MAP1B: variants seen among roughly 807,000 people sequenced by gnomAD.
MAP1B encodes the protein microtubule-associated protein 1B.
Under a neutral mutation model 176.1 loss-of-function variants are expected in MAP1B, and 12 were observed. That is an observed-to-expected ratio of 0.07 (90% CI 0.04 to 0.11). The LOEUF is 0.11. Ranked by LOEUF, MAP1B falls within the 10% of genes least tolerant of loss-of-function variation. The pLI is 1.00. For missense variants in MAP1B, 2,523 were observed against 2,990.5 expected (o/e 0.84, Z 3.65); for synonymous variants, 1,044 against 1,135.0 (o/e 0.92, Z 1.61).
At chr5:72,140,470 T>G (rs1745926376) in intron 2 of MAP1B, among the ~76,000 whole-genome samples, 1 of 152,220 alleles carries the variant, frequency 6.6e-6, no homozygotes, top group Non-Finnish European at 1.5e-5. Flanking sequence ...CAGCCTTCAT[T>G]TGAAGAACAC....
intron 1 of MAP1B, among the ~76,000 whole-genome samples, chr5:72,115,280 C>G (rs955253581): frequency 2.6e-5 from 4 of 152,166 alleles, no homozygotes; most frequent in African/African-American, 7.2e-5. Context: ...TGCCTTTATT[C>G]TACATTTTCT....
At chr5:72,114,640 G>A (rs1745401543) in intron 1 of MAP1B, among the ~76,000 whole-genome samples, 1 of 152,204 alleles carries the variant, frequency 6.6e-6, no homozygotes, top group African/African-American at 2.4e-5. Flanking sequence ...ACACACCAGA[G>A]TTCTGGGGTT....
intron 2 of MAP1B, among the ~76,000 whole-genome samples, chr5:72,127,024 G>T (rs1328999048): frequency 6.6e-6 from 1 of 152,220 alleles, no homozygotes; most frequent in Non-Finnish European, 1.5e-5. Flanking sequence ...TTCCATGTTG[G>T]TATCTGGTGT....
At chr5:72,141,827 G>A (rs1467330648) in intron 2 of MAP1B, among the ~76,000 whole-genome samples, 2 of 152,298 alleles carry the variant, frequency 1.3e-5, no homozygotes, top group East Asian at 3.9e-4. Flanking sequence ...AAAAAAGATA[G>A]AGAAAATACT....
rs895790285 is a variant in MAP1B, at chr5:72,207,628, G to T, written c.*2389G>T. On this transcript the variant is annotated 3_prime_UTR_variant, in exon 7 of 7. Coordinates refer to ENST00000296755, the MANE Select transcript of MAP1B (RefSeq NM_005909.5). ...CACATGATGGAAAAGTCATTGTGAC[G>T]CCAATGAATTTCATTGAGTATAAAC... 1 of 152,078 alleles carries T rather than the reference G, an allele frequency of 6.6e-6. No individual in the cohort carries two copies. Among genetic ancestry groups the T allele is most frequent in the African/African-American group, 2.4e-5 (1 of 41,392 alleles). The allele number at this position is 152,078 out of a possible 1,614,324, so 9.4% of individuals were successfully genotyped here. A position where few individuals can be genotyped will look rare whatever the true frequency, so the allele number is the denominator to read the frequency against.
chr5:72,190,226 G>C (rs1746997898), intron 4 of MAP1B, among the ~76,000 whole-genome samples: 1 of 152,148 alleles, frequency 6.6e-6, no homozygotes, highest in African/African-American at 2.4e-5. Context: ...GAAGTCAATG[G>C]GGAAGAGATG....
Position 72,206,926 on chromosome 5 carries a change from T to C in MAP1B, c.*1687T>C, listed in dbSNP as rs1747464630. ...GGGCCTTGACAAGTACATCACCCAG[T>C]GGTATCCTACATACTTCTTTCAAGA... On this transcript the variant is annotated 3_prime_UTR_variant, in exon 7 of 7. Transcript: ENST00000296755. The C allele has an allele frequency of 6.6e-6, 1 of 152,040 alleles. No individual in the cohort carries two copies. The highest frequency in any genetic ancestry group is 1.5e-5 in the Non-Finnish European group (1 of 68,000). 9.4% of individuals were successfully genotyped at this position (152,040 alleles called of 1,614,324 possible).
chr5:72,143,408 A>G (rs971504723), intron 2 of MAP1B, among the ~76,000 whole-genome samples: 7 of 152,234 alleles, frequency 4.6e-5, no homozygotes, highest in Admixed American at 6.5e-5. Flanking sequence ...GGTCATCATT[A>G]TGAACGTCAT....
intron 2 of MAP1B, among the ~76,000 whole-genome samples, chr5:72,163,613 A>G (rs1348749628): frequency 1.3e-5 from 2 of 152,190 alleles, no homozygotes; most frequent in Non-Finnish European, 2.9e-5. Context: ...GGTGTGGGAT[A>G]AAGTATGGAT....
At chr5:72,124,067 T>C (rs1745580602) in intron 2 of MAP1B, among the ~76,000 whole-genome samples, 1 of 152,180 alleles carries the variant, frequency 6.6e-6, no homozygotes, top group African/African-American at 2.4e-5. Context: ...TGTTCAACCA[T>C]GGGTTTAGTC....
intron 3 of MAP1B, among the ~76,000 whole-genome samples, chr5:72,185,686 T>C (rs1226403620): frequency 6.6e-6 from 1 of 151,682 alleles, no homozygotes; most frequent in Non-Finnish European, 1.5e-5. Flanking sequence ...AGGAAAAATA[T>C]GGAATTTTAT....
chr5:72,136,868 G>A (rs1745846543), intron 2 of MAP1B, among the ~76,000 whole-genome samples: 1 of 152,068 alleles, frequency 6.6e-6, no homozygotes, highest in Non-Finnish European at 1.5e-5. Flanking sequence ...ATTATTTTTT[G>A]CCAAGCCCAT....
chr5:72,121,579 A>G (rs764319796), intron 2 of MAP1B, among the ~76,000 whole-genome samples: 1 of 152,242 alleles, frequency 6.6e-6, no homozygotes, highest in African/African-American at 2.4e-5. Flanking sequence ...GGAGAATTAG[A>G]ATCAGCCCTT....
In MAP1B at chr5:72,195,086, A is replaced by G. The variant is rs1747120939; in HGVS notation, c.1731A>G (p.Pro577=). The G allele has an allele frequency of 1.2e-6, 2 of 1,614,102 alleles. No individual in the cohort carries two copies. The highest frequency in any genetic ancestry group is 2.2e-5 in the East Asian group (1 of 44,852). ...EVTKVNHVEK[P]PKVESKEKVM... is the part of the protein sequence containing the mutation. ...CAAAAGTGAATCACGTGGAAAAGCC[A>G]CCCAAAGTTGAAAGCAAAGAAAAGG... Residue 577 remains proline, a synonymous_variant, in exon 5 of 7, where the codon CCA becomes CCG. Coordinates refer to ENST00000296755, the MANE Select transcript of MAP1B (RefSeq NM_005909.5).
rs751536597 is a variant in MAP1B at position 72,200,176 on chromosome 5, C to T, written c.6821C>T (p.Pro2274Leu). 2 of 1,614,222 alleles carry T rather than the reference C, an allele frequency of 1.2e-6. No homozygotes were observed. The highest frequency in any genetic ancestry group is 8.5e-7 in the Non-Finnish European group (1 of 1,180,038). ...KSKPLAASPK[P>L]AGLKESSDKV... ...AAGCCCTTGGCAGCTTCACCAAAAC[C>T]AGCGGGCTTGAAAGAATCCTCGGAT... The change falls in exon 5 of 7, where the codon CCA becomes CTA. Residue 2274 changes from proline to leucine, a missense_variant. This residue lies in a region of MAP1B where 287 missense variants were observed against 401.5 expected (regional missense o/e 0.71). Coordinates refer to ENST00000296755, the MANE Select transcript of MAP1B (RefSeq NM_005909.5).
In MAP1B at chr5:72,196,324, G is replaced by A. The variant is rs149394287; in HGVS notation, c.2969G>A (p.Arg990Lys). ...AEADAYIREK[R>K]ESVASGDDRA... ...GCTGATGCATACATCAGGGAGAAGA[G>A]GGAGTCTGTGGCCAGTGGGGATGAC... The change falls in exon 5 of 7, where the codon AGG becomes AAG. Residue 990 changes from arginine (R) to lysine (K), a missense_variant. By Grantham distance (26) the Arg-to-Lys change is conservative (BLOSUM62 2). This residue lies in a region of MAP1B where 1,925 missense variants were observed against 2,126.0 expected (regional missense o/e 0.91). Transcript: ENST00000296755. This position sits in a 1 kb window ranked among gnomAD's most constrained non-coding sequence, Gnocchi z 5.3. 3 of 1,614,118 alleles carry A rather than the reference G, an allele frequency of 1.9e-6. No homozygotes were observed. Among genetic ancestry groups the A allele is most frequent in the South Asian group, 1.1e-5 (1 of 91,064 alleles).
At position 72,199,599 on chromosome 5, in the gene MAP1B, T is replaced by C; in HGVS notation, c.6244T>C (p.Leu2082=). 1 of 1,614,150 alleles carries C rather than the reference T, an allele frequency of 6.2e-7. No individual in the cohort carries two copies. Among genetic ancestry groups the C allele is most frequent in the South Asian group, 1.1e-5 (1 of 91,066 alleles). ...SPSEARQDVD[L]CLVSSCEYKH... ...CTCAGAAGCCCGTCAGGATGTCGAT[T>C]TATGCCTCGTGTCCTCTTGTGAATA... Residue 2082 remains leucine, a synonymous_variant, in exon 5 of 7, where the codon TTA becomes CTA. Coordinates refer to ENST00000296755, the MANE Select transcript of MAP1B (RefSeq NM_005909.5). The surrounding 1 kb of genome is among the most constrained non-coding windows in gnomAD (Gnocchi z 4.2).
intron 2 of MAP1B, among the ~76,000 whole-genome samples, chr5:72,132,044 A>T (rs1158603625): frequency 6.6e-6 from 1 of 152,184 alleles, no homozygotes; most frequent in Non-Finnish European, 1.5e-5. Context: ...CTTGGAGGAT[A>T]TTACTGAAGC....
chr5:72,161,773 A>G (rs532746909), intron 2 of MAP1B, among the ~76,000 whole-genome samples: 82 of 152,192 alleles, frequency 5.4e-4, no homozygotes, highest in African/African-American at 1.9e-3. Flanking sequence ...CCTGGCCAAC[A>G]TGATGAAACC....
Sources: allele counts gnomAD v4.1 joint callset (sites outside exome capture counted in the v4.1 genomes callset), GRCh38; gene constraint gnomAD v4.1.1; regional missense constraint gnomAD v4.1.1; non-coding constraint Gnocchi (gnomAD v3.1); transcripts MANE v1.5; gene names NCBI Gene and HGNC (gene_info 2026-07-23, HGNC 2026-07-21).